The following FBXL17 variants were observed in gnomAD, a reference collection of about 807,000 sequenced individuals.
FBXL17 encodes the protein F-box and leucine rich repeat protein 17.
Under a neutral mutation model 66.2 loss-of-function variants are expected in FBXL17, and 22 were observed. That is an observed-to-expected ratio of 0.33 (90% CI 0.24 to 0.47). The LOEUF (loss-of-function observed/expected upper bound fraction) is 0.47. Among genes scored for constraint, FBXL17 ranks in the 20% least tolerant of loss-of-function variants. The probability of loss-of-function intolerance (pLI) is 1.00; values close to 1 mark genes in which losing one functional copy is unlikely to be tolerated. For synonymous variants in FBXL17, 474 were observed against 400.5 expected (o/e 1.18, Z -2.19); for missense variants, 878 against 948.2 (o/e 0.93, Z 0.97).
intron 6 of FBXL17, among the ~76,000 whole-genome samples, chr5:108,141,155 T>C (rs1183506636): frequency 6.6e-6 from 1 of 152,194 alleles, no homozygotes; most frequent in African/African-American, 2.4e-5. Flanking sequence ...ACACATGGTG[T>C]TCCTTCTACA....
intron 7 of FBXL17, among the ~76,000 whole-genome samples, chr5:107,889,033 A>G (rs938879625): frequency 7.1e-6 from 1 of 140,594 alleles, no homozygotes; most frequent in Non-Finnish European, 1.6e-5. Flanking sequence ...CAGCTGTTCT[A>G]GTGGGTACGT....
chr5:108,027,597 AT>A (rs563770743), intron 6 of FBXL17, among the ~76,000 whole-genome samples: 152 of 152,284 alleles, frequency 1.0e-3, no homozygotes, highest in African/African-American at 3.4e-3. Flanking sequence ...CCACATTATT[AT>A]AAAATGATGA....
intron 7 of FBXL17, among the ~76,000 whole-genome samples, chr5:107,903,203 T>C (rs1428898928): frequency 4.6e-5 from 7 of 152,210 alleles, no homozygotes; most frequent in Admixed American, 3.9e-4. Context: ...CATGTCATTC[T>C]ACATTATTTT....
chr5:107,922,134 G>T (rs1046721620), intron 7 of FBXL17, among the ~76,000 whole-genome samples: 4 of 152,132 alleles, frequency 2.6e-5, no homozygotes, highest in Non-Finnish European at 4.4e-5. Flanking sequence ...ATACCACGAG[G>T]CATGCAGAAT....
At chr5:108,184,330 G>A (rs571847508) in intron 6 of FBXL17, among the ~76,000 whole-genome samples, 101 of 151,992 alleles carry the variant, frequency 6.6e-4, no homozygotes, top group African/African-American at 2.3e-3. Flanking sequence ...TTTTTGAGAC[G>A]AGGTCTTGCT....
intron 5 of FBXL17, among the ~76,000 whole-genome samples, chr5:108,186,605 A>T (rs1478893569): frequency 6.6e-6 from 1 of 151,976 alleles, no homozygotes; most frequent in African/African-American, 2.4e-5. Context: ...CCCCATCTCT[A>T]CTAAAATACA....
intron 8 of FBXL17, among the ~76,000 whole-genome samples, chr5:107,866,129 T>C (rs1258962479): frequency 6.6e-6 from 1 of 152,186 alleles, no homozygotes; most frequent in Non-Finnish European, 1.5e-5. Context: ...GTTTTCTGTA[T>C]TCAATTTCTT....
chr5:108,200,924 A>G (rs1260710922), intron 5 of FBXL17, among the ~76,000 whole-genome samples: 3 of 152,178 alleles, frequency 2.0e-5, no homozygotes, highest in Non-Finnish European at 2.9e-5. Context: ...AAGTGTGTCT[A>G]GAGAAGCGGG....
At chr5:108,045,804 A>G (rs1349820690) in intron 6 of FBXL17, among the ~76,000 whole-genome samples, 1 of 152,156 alleles carries the variant, frequency 6.6e-6, no homozygotes, top group Non-Finnish European at 1.5e-5. Flanking sequence ...TTCCAGTTTG[A>G]GTCCACTGTG....
At chr5:108,238,848 T>C (rs571149876) in intron 4 of FBXL17, among the ~76,000 whole-genome samples, 1 of 152,168 alleles carries the variant, frequency 6.6e-6, no homozygotes, top group South Asian at 2.1e-4. Context: ...ATTCCATGTG[T>C]GGTTAACGTG....
In FBXL17 at chr5:107,939,247, A is replaced by G. The variant is rs187027156; in HGVS notation, c.1823-58068T>C. Among the ~76,000 whole-genome samples, 12 of 152,188 alleles carry G rather than the reference A, an allele frequency of 7.9e-5. No homozygotes were observed. In the South Asian group the frequency reaches 2.1e-3, roughly 26 times the overall value. ...ATATGTAGGTAAAAATGTCGTAATAATGTTTACAGCTCCATTATTTTCAGG... is the reference window on the plus strand; with the variant it reads ...ATATGTAGGTAAAAATGTCGTAATAGTGTTTACAGCTCCATTATTTTCAGG... On this transcript the variant is annotated intron_variant, in intron 7 of 8. Coordinates refer to ENST00000542267, the MANE Select transcript of FBXL17 (RefSeq NM_001163315.3).
intron 6 of FBXL17, among the ~76,000 whole-genome samples, chr5:108,069,575 T>C (rs1384946265): frequency 6.6e-6 from 1 of 152,204 alleles, no homozygotes; most frequent in Non-Finnish European, 1.5e-5. Flanking sequence ...AAGGAAATTA[T>C]ACTCATTAAA....
chr5:108,206,734 T>C (rs999500429), intron 5 of FBXL17, among the ~76,000 whole-genome samples: 1 of 152,214 alleles, frequency 6.6e-6, no homozygotes, highest in African/African-American at 2.4e-5. Flanking sequence ...TGGTATTCCA[T>C]TGTATAAATA....
At chr5:108,080,866 G>A (rs999690329) in intron 6 of FBXL17, among the ~76,000 whole-genome samples, 1 of 152,186 alleles carries the variant, frequency 6.6e-6, no homozygotes, top group Admixed American at 6.5e-5. Context: ...CAAGTAGCAG[G>A]TTTCAGAGAA....
At position 108,009,261 on chromosome 5, in the gene FBXL17, TTATATATATATATATATATATATA is replaced by T. The variant is rs375853217; in HGVS notation, c.1822+11640_1822+11663del. Among the ~76,000 whole-genome samples the T allele has an allele frequency of 1.0e-3, 21 of 20,854 alleles. 1 individual carries two copies. The highest frequency in any genetic ancestry group is 1.6e-3 in the Non-Finnish European group (19 of 11,696). The allele number at this position is 20,854 out of a possible 152,430, so 13.7% of individuals were successfully genotyped here. ...GCTTGGTCGTGAGTTGTTCCCTGTT[TTATATATATATATATATATATATA>T]TATATATATATATATACATATATAC... On this transcript the variant is annotated intron_variant, in intron 7 of 8. Transcript: ENST00000542267.
At position 108,209,779 on chromosome 5, in the gene FBXL17, AT is replaced by A. The variant is rs1754287276; in HGVS notation, c.1614+14341del. 2.6e-5 allele frequency among the ~76,000 whole-genome samples: 4 copies of A among 151,960 alleles called. No homozygotes were observed. The South Asian group carries it at 8.3e-4, about 32-fold the overall frequency. ...TACTGGCCTAAAATTTTCTTTTTTT[AT>A]TGTGTCACTACCAGGTTTTGGTAAC... On this transcript the variant is annotated intron_variant, in intron 5 of 8. Coordinates refer to ENST00000542267, the MANE Select transcript of FBXL17 (RefSeq NM_001163315.3).
At chr5:108,100,028 T>C (rs1472675568) in intron 6 of FBXL17, among the ~76,000 whole-genome samples, 1 of 152,176 alleles carries the variant, frequency 6.6e-6, no homozygotes, top group Admixed American at 6.5e-5. Context: ...TAACCTATAT[T>C]AGAAATTAAA....
At chr5:108,340,244 T>C (rs1481670741) in intron 4 of FBXL17, among the ~76,000 whole-genome samples, 1 of 150,400 alleles carries the variant, frequency 6.6e-6, no homozygotes, top group Non-Finnish European at 1.5e-5. Flanking sequence ...AGATTGAAAT[T>C]ATACTGTCAA....
At chr5:108,283,212 G>C (rs1200374582) in intron 4 of FBXL17, among the ~76,000 whole-genome samples, 1 of 151,696 alleles carries the variant, frequency 6.6e-6, no homozygotes, top group African/African-American at 2.4e-5. Context: ...TGAACAAAAA[G>C]CACAAAGCTA....
Sources: allele counts gnomAD v4.1 joint callset (sites outside exome capture counted in the v4.1 genomes callset), GRCh38; gene constraint gnomAD v4.1.1; transcripts MANE v1.5; gene names NCBI Gene and HGNC (gene_info 2026-07-23, HGNC 2026-07-21).